The following TTC3 variants were observed in gnomAD, a reference collection of about 807,000 sequenced individuals.
The protein encoded by TTC3 is E3 ubiquitin-protein ligase TTC3.
A neutral mutation model predicts 249.6 loss-of-function variants in TTC3; 180 were observed. The observed-to-expected ratio is 0.72, with a 90% CI of 0.64 to 0.82. TTC3 has a LOEUF of 0.82. Among genes scored for constraint, TTC3 ranks in the 40% least tolerant of loss-of-function variants. TTC3 has a pLI of 0.00. For synonymous variants in TTC3, 717 were observed against 805.0 expected (o/e 0.89, Z 1.85); for missense variants, 2,061 against 2,398.4 (o/e 0.86, Z 2.94).
At position 37,118,343 on chromosome 21, in the gene TTC3, G is replaced by A. The variant is rs184758139; in HGVS notation, c.901-3474G>A. 7.2e-5 allele frequency among the ~76,000 whole-genome samples: 11 copies of A among 152,154 alleles called. No individual in the cohort carries two copies. The East Asian group carries it at 1.9e-3, about 27-fold the overall frequency. On this transcript the variant is annotated intron_variant, in intron 11 of 45. Coordinates refer to ENST00000355666, the Ensembl canonical transcript of TTC3. ...GACATTTTTTTCCTTCTTCTTAATGGGGAAGATTAGTACAGTGCTACCTGT... is the reference window on the plus strand; with the variant it reads ...GACATTTTTTTCCTTCTTCTTAATGAGGAAGATTAGTACAGTGCTACCTGT...
At chr21:37,191,755 T>C (rs1364290201) in intron 40 of TTC3, among the ~76,000 whole-genome samples, 1 of 152,164 alleles carries the variant, frequency 6.6e-6, no homozygotes, top group Non-Finnish European at 1.5e-5. Flanking sequence ...ATTTTGTTTT[T>C]GGTTTTGGTT....
At chr21:37,146,863 T>C (rs367569857) in intron 21 of TTC3, among the ~76,000 whole-genome samples, 15 of 152,192 alleles carry the variant, frequency 9.9e-5, no homozygotes, top group African/African-American at 3.6e-4. Context: ...TCAACAAAGC[T>C]ATTATAAAAA....
In TTC3 at chr21:37,100,561, A is replaced by G. The variant is rs573407140; in HGVS notation, c.845+3918A>G. 2.0e-5 allele frequency among the ~76,000 whole-genome samples: 3 copies of G among 152,334 alleles called. No individual in the cohort carries two copies. The East Asian group carries it at 5.8e-4, about 29-fold the overall frequency. On this transcript the variant is annotated intron_variant, in intron 10 of 45. Coordinates refer to ENST00000355666, the Ensembl canonical transcript of TTC3. ...GATTTTAATGCCAAAATAGTCATAC[A>G]GTTTGTAAATCCAACCACTTTTGGG... is the stretch of plus-strand genomic sequence containing the variant.
Position 37,080,784 on chromosome 21 carries a change from A to G in TTC3, c.-11-6463A>G, listed in dbSNP as rs141601334. On this transcript the variant is annotated intron_variant, in intron 1 of 45. Transcript: ENST00000355666. Reference sequence around the variant, plus strand: ...CTTTTGGTGCTAATTTACCTGGAATATTCTTTTCTTTCATTTTACTTTGAT... The same window carrying G: ...CTTTTGGTGCTAATTTACCTGGAATGTTCTTTTCTTTCATTTTACTTTGAT... Among the ~76,000 whole-genome samples, 212 of 151,446 alleles carry G rather than the reference A, an allele frequency of 1.4e-3. 2 individuals carry two copies. The highest frequency in any genetic ancestry group is 4.7e-3 in the African/African-American group (193 of 41,256).
chr21:37,148,253 T>G (rs1489888161), intron 22 of TTC3, among the ~76,000 whole-genome samples: 1 of 152,224 alleles, frequency 6.6e-6, no homozygotes, highest in Non-Finnish European at 1.5e-5. Context: ...TTGTGATCAT[T>G]GAATTAGCTG....
chr21:37,159,585 G>A (rs1179181504), intron 28 of TTC3, 114 bp from the exon 29 acceptor site: 3 of 1,184,190 alleles, frequency 2.5e-6, no homozygotes, highest in South Asian at 3.2e-5. Context: ...AGCCAAATAA[G>A]GAATAGAACA....
At chr21:37,132,866 TA>T (rs1188554251) in intron 17 of TTC3, 100 bp downstream of exon 17, 1 of 849,264 alleles carries the variant, frequency 1.2e-6, no homozygotes, top group Non-Finnish European at 1.7e-6. Flanking sequence ...AAGTTTTTTT[TA>T]TATAATTATT....
intron 27 of TTC3, among the ~76,000 whole-genome samples, chr21:37,153,799 A>G (rs1448357364): frequency 1.3e-5 from 2 of 152,154 alleles, no homozygotes; most frequent in African/African-American, 4.8e-5. Context: ...ACAAATCTAT[A>G]ATTCAGATTC....
At chr21:37,144,503 T>G (rs2078809131) in intron 20 of TTC3, 22 bp from the exon 21 acceptor site, 1 of 1,598,356 alleles carries the variant, frequency 6.3e-7, no homozygotes, top group African/African-American at 1.4e-5. Context: ...CTTTAATGCC[T>G]TTTTCATAAT....
In TTC3 at chr21:37,174,380, G is replaced by A. The variant is rs376673962; in HGVS notation, c.4617+1636G>A. On this transcript the variant is annotated intron_variant, in intron 35 of 45. Transcript: ENST00000355666. ...TAAAATGTATACCTATTCCCTACCA[G>A]GATAAGTCGCTAATCTGAGTTCCTT... Among the ~76,000 whole-genome samples the A allele has an allele frequency of 4.8e-4, 73 of 152,284 alleles. 1 individual carries two copies. In the South Asian group the frequency reaches 0.014, roughly 29 times the overall value.
chr21:37,175,268 A>G (rs939424539), intron 35 of TTC3, among the ~76,000 whole-genome samples: 1 of 147,594 alleles, frequency 6.8e-6, no homozygotes, highest in Non-Finnish European at 1.5e-5. Flanking sequence ...TGTCTCAAAA[A>G]AAAAAAAAAA....
At chr21:37,201,734 C>T in exon 46 of TTC3, 2 of 934,996 alleles carry the variant, frequency 2.1e-6, no homozygotes, top group Non-Finnish European at 3.1e-6. Flanking sequence ...TAAGTAATTT[C>T]CCCACTCTGA....
intron 1 of TTC3, among the ~76,000 whole-genome samples, chr21:37,074,164 G>T (rs1185333924): frequency 4.6e-5 from 7 of 152,294 alleles, no homozygotes; most frequent in African/African-American, 1.4e-4. Context: ...GGACCCAGGA[G>T]GGGGGTAACC....
At chr21:37,095,135 ATATGTG>A (rs2073781897) in intron 8 of TTC3, among the ~76,000 whole-genome samples, 1 of 76,666 alleles carries the variant, frequency 1.3e-5, no homozygotes, top group Non-Finnish European at 3.3e-5. Flanking sequence ...GTCTCTAAAA[ATATGTG>A]TGTGTGTGTG....
At chr21:37,115,174 T>TATAATAAGA (rs2076027641) in intron 11 of TTC3, among the ~76,000 whole-genome samples, 1 of 144,500 alleles carries the variant, frequency 6.9e-6, no homozygotes, top group Non-Finnish European at 1.5e-5. Flanking sequence ...AAACTTAAAG[T>TATAATAAGA]ATAATAATAA....
chr21:37,152,163 C>A, intron 26 of TTC3, 134 bp downstream of exon 26: 1 of 1,067,180 alleles, frequency 9.4e-7, no homozygotes, highest in Non-Finnish European at 1.3e-6. Context: ...AATACTATCA[C>A]TGTCTTCTGT....
At chr21:37,164,152 A>G (rs1373140480) in exon 32 of TTC3, 6 of 1,613,578 alleles carry the variant, frequency 3.7e-6, no homozygotes, top group South Asian at 2.2e-5. Flanking sequence ...AGTAACGAAT[A>G]TGTTGTCCGC....
At chr21:37,189,828 G>A (rs1291647916) in intron 39 of TTC3, among the ~76,000 whole-genome samples, 2 of 152,076 alleles carry the variant, frequency 1.3e-5, no homozygotes, top group African/African-American at 4.8e-5. Flanking sequence ...TTACAGGAGT[G>A]CCTCCCAAAG....
chr21:37,101,512 T>C (rs900452943), intron 10 of TTC3, among the ~76,000 whole-genome samples: 3 of 151,968 alleles, frequency 2.0e-5, no homozygotes, highest in Non-Finnish European at 2.9e-5. Flanking sequence ...ATACCCCCTT[T>C]TTAAAAAAAC....
Sources: gnomAD v4.1 joint callset for allele counts (sites outside exome capture counted in the v4.1 genomes callset) on GRCh38, gnomAD v4.1.1 for gene constraint, MANE v1.5 for transcripts, NCBI Gene and HGNC (gene_info 2026-07-23, HGNC 2026-07-21) for gene names.